Variants in SLC6A3 observed in about 807,000 individuals in gnomAD.
The protein encoded by SLC6A3 is solute carrier family 6 member 3.
A neutral mutation model predicts 70.4 loss-of-function variants in SLC6A3; 19 were observed. That is an observed-to-expected ratio of 0.27 (90% CI 0.19 to 0.40). The LOEUF is 0.40. Ranked by LOEUF, SLC6A3 falls within the 10% of genes least tolerant of loss-of-function variation. The pLI is 1.00. For missense variants in SLC6A3, 613 were observed against 838.5 expected (o/e 0.73, Z 3.32); for synonymous variants, 368 against 356.6 (o/e 1.03, Z -0.36).
chr5:1,441,607 C>A, intron 2 of SLC6A3, 117 bp from the exon 3 acceptor site: 1 of 1,198,038 alleles, frequency 8.3e-7, no homozygotes, highest in Non-Finnish European at 1.2e-6. Flanking sequence ...CGTTTCACCC[C>A]ACTCTCCAAC....
intron 10 of SLC6A3, 144 bp from the exon 11 acceptor site, chr5:1,409,269 C>A: frequency 1.4e-6 from 1 of 709,394 alleles, no homozygotes; most frequent in Admixed American, 2.0e-5. Context: ...CATGCAGCTT[C>A]TTAGGGCCAC....
In SLC6A3 at chr5:1,428,866, T is replaced by C. The variant is rs114803542; in HGVS notation, c.653+3598A>G. 8.6e-3 allele frequency among the ~76,000 whole-genome samples: 1,303 copies of C among 152,310 alleles called. 22 individuals carry two copies. The highest frequency in any genetic ancestry group is 0.03 in the African/African-American group (1,265 of 41,562). On this transcript the variant is annotated intron_variant, in intron 4 of 14. Coordinates refer to ENST00000270349, the MANE Select transcript of SLC6A3 (RefSeq NM_001044.5). ...ACGGTTACTTCCTGAGGACCTGTAG[T>C]AAAAACGCACGATAAAGCCCTTTCA... is the stretch of plus-strand genomic sequence containing the variant.
At chr5:1,417,236 G>A (rs1035466215) in intron 6 of SLC6A3, among the ~76,000 whole-genome samples, 2 of 151,340 alleles carry the variant, frequency 1.3e-5, no homozygotes, top group African/African-American at 2.4e-5. Flanking sequence ...GCATGATGGC[G>A]GCACCCTGAT....
chr5:1,416,128 C>T lies in SLC6A3; in HGVS notation c.1001G>A (p.Ser334Asn). The T allele has an allele frequency of 6.2e-7, 1 of 1,614,070 alleles. No homozygotes were observed. Among genetic ancestry groups the T allele is most frequent in the Non-Finnish European group, 8.5e-7 (1 of 1,180,000 alleles). Residue 334 changes from serine to asparagine, a missense_variant, in exon 7 of 15, where the codon AGC becomes AAC. Ser to Asn is a conservative substitution (Grantham distance 46, BLOSUM62 1). Transcript: ENST00000270349. ...VGFGVLIAFSSYNKFTNNCYR... is the reference protein window; with the variant it reads ...VGFGVLIAFSNYNKFTNNCYR... ...GCAGTTGTTGGTGAACTTGTTGTAG[C>T]TGGAGAAGGCGATCAGCACCCCGAA...
chr5:1,441,598 G>A (rs1733671612), intron 2 of SLC6A3, 108 bp from the exon 3 acceptor site: 28 of 1,282,484 alleles, frequency 2.2e-5, no homozygotes, highest in Middle Eastern at 2.1e-4. Flanking sequence ...TGGCCCGACC[G>A]TTTCACCCCA....
In SLC6A3 at chr5:1,442,256, C is replaced by T. The variant is rs1579728693; in HGVS notation, c.286+656G>A. On this transcript the variant is annotated intron_variant, in intron 2 of 14. Coordinates refer to ENST00000270349, the MANE Select transcript of SLC6A3 (RefSeq NM_001044.5). The surrounding 1 kb of genome is among the most constrained non-coding windows in gnomAD (Gnocchi z 5.0). Reference sequence around the variant, plus strand: ...CCTCTTCAAGATGGGCATAAAAATGCCAGCCTCCTCGCAGGCATCCTGTGA... The same window carrying T: ...CCTCTTCAAGATGGGCATAAAAATGTCAGCCTCCTCGCAGGCATCCTGTGA... 6.6e-6 allele frequency among the ~76,000 whole-genome samples: 1 copy of T among 152,300 alleles called. No individual in the cohort carries two copies. The highest frequency in any genetic ancestry group is 1.5e-5 in the Non-Finnish European group (1 of 68,016).
chr5:1,411,229 T>C lies in SLC6A3; in HGVS notation c.1269+14A>G, dbSNP rs1756114706. The C allele has an allele frequency of 6.6e-7, 1 of 1,524,092 alleles. No homozygotes were observed. Among genetic ancestry groups the C allele is most frequent in the East Asian group, 2.5e-5 (1 of 40,788 alleles). 94.4% of individuals were successfully genotyped at this position (1,524,092 alleles called of 1,614,324 possible). Reference sequence around the variant, plus strand: ...AACTGCCGAGGACAGGGCCGGGCGGTGCGGGTTACTCACGGCGCTGTCGAT... The same window carrying C: ...AACTGCCGAGGACAGGGCCGGGCGGCGCGGGTTACTCACGGCGCTGTCGAT... On this transcript the variant is annotated intron_variant, in intron 9 of 14. Transcript: ENST00000270349. This position sits in a 1 kb window ranked among gnomAD's most constrained non-coding sequence, Gnocchi z 6.5.
rs190217204 is a variant in SLC6A3 at position 1,393,656 on chromosome 5, C to T, written c.*1079G>A. 423 of 147,862 alleles carry T rather than the reference C, an allele frequency of 2.9e-3. 4 individuals are homozygous for T. In the East Asian group the frequency reaches 0.047, roughly 16 times the overall value. The allele number at this position is 147,862 out of a possible 1,614,324, so 9.2% of individuals were successfully genotyped here. Reference sequence around the variant, plus strand: ...TGCATGCATCCTGGGGTAGTACACGCTCCTGTGGGGGCCCTGCATGCGTCC... The same window carrying T: ...TGCATGCATCCTGGGGTAGTACACGTTCCTGTGGGGGCCCTGCATGCGTCC... On this transcript the variant is annotated 3_prime_UTR_variant, in exon 15 of 15. Transcript: ENST00000270349.
rs773100141 is a variant in SLC6A3, at chr5:1,402,962, G to A, written c.1727C>T (p.Ala576Val). The A allele has an allele frequency of 1.9e-6, 3 of 1,613,958 alleles. No homozygotes were observed. The highest frequency in any genetic ancestry group is 2.2e-5 in the East Asian group (1 of 44,882). Residue 576 changes from alanine (A) to valine (V), a missense_variant, in exon 13 of 15, where the codon GCG becomes GTG. Physicochemically the swap from Ala to Val is moderately conservative, Grantham distance 64. This residue lies in a region of SLC6A3 where 348 missense variants were observed against 481.2 expected (regional missense o/e 0.72). Transcript: ENST00000270349. This position sits in a 1 kb window ranked among gnomAD's most constrained non-coding sequence, Gnocchi z 8.5. Reference protein sequence around the residue: ...TSSMAMVPIYAAYKFCSLPGS... With the variant: ...TSSMAMVPIYVAYKFCSLPGS... ...AGGCAGGCTGCAGAACTTGTAGGCC[G>A]CATAGATGGGCACCATGGCCATGGA...
chr5:1,422,075 G>A (rs1053669640), intron 4 of SLC6A3, 61 bp from the exon 5 acceptor site: 8 of 1,561,542 alleles, frequency 5.1e-6, no homozygotes, highest in African/African-American at 2.7e-5. Flanking sequence ...GGAACTGGAC[G>A]GCTGAGCTTG....
chr5:1,409,219 C>T (rs1007814603), intron 10 of SLC6A3, 94 bp from the exon 11 acceptor site: 7 of 909,786 alleles, frequency 7.7e-6, no homozygotes, highest in Middle Eastern at 2.1e-4. Flanking sequence ...TTGTTTCACT[C>T]ACTGCAAAAC....
chr5:1,434,047 A>T lies in SLC6A3; in HGVS notation c.419-1349T>A, dbSNP rs749775488. On this transcript the variant is annotated intron_variant, in intron 3 of 14. Transcript: ENST00000270349. Reference sequence around the variant, plus strand: ...TGGCCATCCAGAGCCATCCATAGCCATCTATGGCCATCTGTGGCCATCTAT... The same window carrying T: ...TGGCCATCCAGAGCCATCCATAGCCTTCTATGGCCATCTGTGGCCATCTAT... Among the ~76,000 whole-genome samples, 58 of 152,390 alleles carry T rather than the reference A, an allele frequency of 3.8e-4. 1 individual carries two copies. The highest frequency in any genetic ancestry group is 3.4e-3 in the Middle Eastern group (1 of 294).
chr5:1,416,118 CTTG>C lies in SLC6A3; in HGVS notation c.1008_1010del (p.Asn336del), dbSNP rs763789807. ...CTCACCTGTAGCAGTTGTTGGTGAA[CTTG>C]TTGTAGCTGGAGAAGGCGATCAGCA... On this transcript the variant is annotated inframe_deletion, in exon 7 of 15. Coordinates refer to ENST00000270349, the MANE Select transcript of SLC6A3 (RefSeq NM_001044.5). 4.3e-6 allele frequency: 7 copies of C among 1,613,994 alleles called. No individual in the cohort carries two copies. The highest frequency in any genetic ancestry group is 5.9e-6 in the Non-Finnish European group (7 of 1,179,944).
chr5:1,429,043 A>C (rs1056026979), intron 4 of SLC6A3, among the ~76,000 whole-genome samples: 3 of 152,098 alleles, frequency 2.0e-5, no homozygotes, highest in African/African-American at 7.2e-5. Context: ...CATCACAGCC[A>C]CTCTGGCCTT....
At chr5:1,417,401 G>A (rs1416250080) in intron 6 of SLC6A3, among the ~76,000 whole-genome samples, 1 of 152,206 alleles carries the variant, frequency 6.6e-6, no homozygotes, top group Non-Finnish European at 1.5e-5. Context: ...CATGATGATG[G>A]TGTCCTGATT....
rs28363127 is a variant in SLC6A3, at chr5:1,404,101, T to G, written c.1600-1012A>C. On this transcript the variant is annotated intron_variant, in intron 12 of 14. Coordinates refer to ENST00000270349, the MANE Select transcript of SLC6A3 (RefSeq NM_001044.5). This position sits in a 1 kb window ranked among gnomAD's most constrained non-coding sequence, Gnocchi z 5.2. ...CCACTTTTCCTCAATTTCAGAAAAG[T>G]TAAAACATCCAAGCCTTCCACCTGA... Among the ~76,000 whole-genome samples, 633 of 152,378 alleles carry G rather than the reference T, an allele frequency of 4.2e-3. 5 individuals carry two copies. The highest frequency in any genetic ancestry group is 0.013 in the African/African-American group (545 of 41,588).
At chr5:1,443,316 G>A in intron 1 of SLC6A3, 74 bp from the exon 2 acceptor site, 1 of 1,207,568 alleles carries the variant, frequency 8.3e-7, no homozygotes, top group South Asian at 1.2e-5. Context: ...GACATACCTG[G>A]TGCGGAGGGC....
At chr5:1,410,872 A>T (rs117399737) in intron 9 of SLC6A3, among the ~76,000 whole-genome samples, 1 of 150,936 alleles carries the variant, frequency 6.6e-6, no homozygotes, top group African/African-American at 2.4e-5. Flanking sequence ...GCGTGTGTGC[A>T]TGTGTGTATG....
chr5:1,425,824 A>T (rs956771734), intron 4 of SLC6A3, among the ~76,000 whole-genome samples: 1 of 152,216 alleles, frequency 6.6e-6, no homozygotes, highest in South Asian at 2.1e-4. Context: ...CAACAAAAAA[A>T]CTGACAGCCC....
Sources: gnomAD v4.1 joint callset for allele counts (sites outside exome capture counted in the v4.1 genomes callset) on GRCh38, gnomAD v4.1.1 for gene constraint, gnomAD v4.1.1 regional missense constraint, Gnocchi (gnomAD v3.1) non-coding constraint, MANE v1.5 for transcripts, NCBI Gene and HGNC (gene_info 2026-07-23, HGNC 2026-07-21) for gene names.